SYT1: variants seen among roughly 807,000 people sequenced by gnomAD.
The protein encoded by SYT1 is synaptotagmin 1.
Under a neutral mutation model 44.8 loss-of-function variants are expected in SYT1, and 8 were observed. The ratio of observed to expected loss-of-function variants is 0.18; its 90% CI spans 0.10 to 0.32. SYT1 has a LOEUF of 0.32. Ranked by LOEUF, SYT1 falls within the 10% of genes least tolerant of loss-of-function variation. SYT1 has a pLI of 1.00. For missense variants in SYT1, 286 were observed against 509.3 expected (o/e 0.56, Z 4.22); for synonymous variants, 154 against 188.8 (o/e 0.82, Z 1.51).
intron 3 of SYT1, among the ~76,000 whole-genome samples, chr12:79,204,410 C>T (rs538134531): frequency 1.3e-5 from 2 of 152,314 alleles, no homozygotes; most frequent in South Asian, 2.1e-4. Context: ...GCTGCAAGCT[C>T]AGATTTTCTG....
chr12:79,306,990 A>T (rs61658423), intron 8 of SYT1, among the ~76,000 whole-genome samples: 1,616 of 152,360 alleles, frequency 0.011, 31 homozygotes, highest in African/African-American at 0.037. Flanking sequence ...ATTTAAACCT[A>T]TTCAAATGTA....
rs370576055 is a variant in SYT1, at chr12:79,091,224, G to A, written c.-18+43862G>A. On this transcript the variant is annotated intron_variant, in intron 3 of 10. Transcript: ENST00000261205. ...ATATTAAAATAGGATTGATAACTGTGGAAAATTTGCTTTAGACATTTTGAG... is the reference window on the plus strand; with the variant it reads ...ATATTAAAATAGGATTGATAACTGTAGAAAATTTGCTTTAGACATTTTGAG... 5.9e-5 allele frequency among the ~76,000 whole-genome samples: 9 copies of A among 151,812 alleles called. No homozygotes were observed. In the East Asian group the frequency reaches 7.7e-4, roughly 13 times the overall value.
intron 9 of SYT1, among the ~76,000 whole-genome samples, chr12:79,407,073 G>A (rs1885268258): frequency 6.6e-6 from 1 of 152,050 alleles, no homozygotes; most frequent in African/African-American, 2.4e-5. Context: ...TCAAGCTATG[G>A]CAAGTATTAA....
chr12:78,945,002 A>G (rs1480601891), intron 1 of SYT1, among the ~76,000 whole-genome samples: 6 of 152,184 alleles, frequency 3.9e-5, no homozygotes, highest in Admixed American at 3.9e-4. Context: ...CTCAAATAAG[A>G]GCAATTTCCA....
chr12:79,314,382 C>G, intron 8 of SYT1, among the ~76,000 whole-genome samples: 1 of 151,584 alleles, frequency 6.6e-6, no homozygotes, highest in East Asian at 1.9e-4. Context: ...ATACCATGTG[C>G]GAGAGTCTGT....
chr12:79,358,089 GTGTTT>G (rs1210143617), intron 9 of SYT1, among the ~76,000 whole-genome samples: 3 of 152,200 alleles, frequency 2.0e-5, no homozygotes, highest in South Asian at 2.1e-4. Context: ...CTCAAGTTTG[GTGTTT>G]TGTTTTGTTT....
intron 2 of SYT1, among the ~76,000 whole-genome samples, chr12:79,006,555 A>C (rs1291531103): frequency 6.6e-6 from 1 of 152,126 alleles, no homozygotes; most frequent in East Asian, 1.9e-4. Context: ...AGTAGGGATA[A>C]GTATTTGGTG....
chr12:79,324,043 C>T (rs1197086203), intron 8 of SYT1, among the ~76,000 whole-genome samples: 11 of 150,792 alleles, frequency 7.3e-5, no homozygotes, highest in East Asian at 5.9e-4. Context: ...CTCCACCTCC[C>T]GTGTTCAAGC....
intron 3 of SYT1, among the ~76,000 whole-genome samples, chr12:79,152,579 T>A (rs930083137): frequency 6.6e-6 from 1 of 152,168 alleles, no homozygotes; most frequent in Non-Finnish European, 1.5e-5. Context: ...ATTCCTCATA[T>A]AATCTCATAT....
At chr12:79,291,554 C>T (rs1879582574) in intron 5 of SYT1, among the ~76,000 whole-genome samples, 1 of 152,230 alleles carries the variant, frequency 6.6e-6, no homozygotes, top group African/African-American at 2.4e-5. Context: ...GGAAATAAGG[C>T]AACAAAAGGC....
At chr12:78,941,649 T>G (rs1344752100) in intron 1 of SYT1, among the ~76,000 whole-genome samples, 1 of 152,226 alleles carries the variant, frequency 6.6e-6, no homozygotes, top group Non-Finnish European at 1.5e-5. Flanking sequence ...GCTATTACAC[T>G]ATTACAGGAA....
chr12:79,085,404 G>GA (rs1373295417), intron 3 of SYT1, among the ~76,000 whole-genome samples: 3 of 152,068 alleles, frequency 2.0e-5, no homozygotes, highest in Non-Finnish European at 4.4e-5. Flanking sequence ...TCTTATGCTT[G>GA]AAAATCTTAG....
At chr12:79,249,949 A>T (rs542310333) in intron 4 of SYT1, among the ~76,000 whole-genome samples, 9 of 148,630 alleles carry the variant, frequency 6.1e-5, no homozygotes, top group Middle Eastern at 6.9e-3. Context: ...CAGACCAAAT[A>T]AAAAAAAAAT....
At chr12:79,134,824 T>G (rs1351792016) in intron 3 of SYT1, among the ~76,000 whole-genome samples, 1 of 152,026 alleles carries the variant, frequency 6.6e-6, no homozygotes, top group Admixed American at 6.6e-5. Flanking sequence ...AGGGGCCACC[T>G]GGAGATGGAG....
intron 9 of SYT1, among the ~76,000 whole-genome samples, chr12:79,373,914 G>A (rs1183501700): frequency 6.6e-6 from 1 of 152,158 alleles, no homozygotes; most frequent in East Asian, 1.9e-4. Flanking sequence ...CACAGTTGTT[G>A]TTCAGGACTC....
At chr12:78,904,707 A>G (rs1875863903) in intron 1 of SYT1, among the ~76,000 whole-genome samples, 1 of 152,192 alleles carries the variant, frequency 6.6e-6, no homozygotes, top group Non-Finnish European at 1.5e-5. Flanking sequence ...CATGAGTAAT[A>G]TTATATGAGC....
At chr12:79,029,843 A>G (rs1265443173) in intron 2 of SYT1, among the ~76,000 whole-genome samples, 1 of 151,180 alleles carries the variant, frequency 6.6e-6, no homozygotes, top group East Asian at 1.9e-4. Context: ...GCTGATTTGT[A>G]TGTTGCTAGC....
chr12:79,407,796 T>A (rs1017220380), intron 9 of SYT1, among the ~76,000 whole-genome samples: 1 of 152,092 alleles, frequency 6.6e-6, no homozygotes, highest in Admixed American at 6.6e-5. Flanking sequence ...CATTATAGTT[T>A]TAGAGTGGAT....
chr12:79,435,882 C>G (rs1870060322), intron 9 of SYT1, among the ~76,000 whole-genome samples: 2 of 152,242 alleles, frequency 1.3e-5, no homozygotes, highest in Middle Eastern at 3.4e-3. Context: ...TCAAAAATGT[C>G]TCAGACATTG....
Sources: allele counts gnomAD v4.1 joint callset (sites outside exome capture counted in the v4.1 genomes callset), GRCh38; gene constraint gnomAD v4.1.1; transcripts MANE v1.5; gene names NCBI Gene and HGNC (gene_info 2026-07-23, HGNC 2026-07-21).